NAV1: variants seen among roughly 807,000 people sequenced by gnomAD.
NAV1 encodes the protein neuron navigator 1, also known as pore membrane and/or filament interacting like protein 3.
NAV1 carries 18 observed loss-of-function variants against 175.2 expected under a neutral mutation model. That is an observed-to-expected ratio of 0.10 (90% CI 0.07 to 0.15). NAV1 has a LOEUF of 0.15. Among genes scored for constraint, NAV1 ranks in the 10% least tolerant of loss-of-function variants. NAV1 has a pLI of 1.00. For missense variants in NAV1, 1,731 were observed against 2,436.6 expected, an observed-to-expected ratio of 0.71 and a Z score of 6.10; for synonymous variants, 897 against 978.7, an observed-to-expected ratio of 0.92 and a Z score of 1.56.
intron 1 of NAV1, among the ~76,000 whole-genome samples, chr1:201,696,858 G>A (rs189827074): frequency 1.3e-5 from 2 of 152,250 alleles, no homozygotes; most frequent in East Asian, 1.9e-4. Flanking sequence ...TACCTCAGCC[G>A]CTGCATTGCA....
intron 1 of NAV1, among the ~76,000 whole-genome samples, chr1:201,689,582 G>C (rs1670819395): frequency 6.6e-6 from 1 of 152,134 alleles, no homozygotes; most frequent in Non-Finnish European, 1.5e-5. Context: ...CCTGTTCTGG[G>C]GGTTGTTTTT....
At chr1:201,752,676 G>T (rs184811529) in intron 3 of NAV1, among the ~76,000 whole-genome samples, 16 of 152,084 alleles carry the variant, frequency 1.1e-4, no homozygotes, top group Admixed American at 3.9e-4. Context: ...CAAGCTTTGG[G>T]TGTTTAATTG....
chr1:201,799,375 T>C (rs1677694521), intron 15 of NAV1, among the ~76,000 whole-genome samples: 1 of 152,248 alleles, frequency 6.6e-6, no homozygotes, highest in South Asian at 2.1e-4. Context: ...CAGGCTTAAC[T>C]TGGCAAGGAG....
intron 3 of NAV1, among the ~76,000 whole-genome samples, chr1:201,767,189 C>A (rs955304668): frequency 6.6e-6 from 1 of 151,714 alleles, no homozygotes; most frequent in African/African-American, 2.4e-5. Context: ...CATGGTGGCT[C>A]ACGCCTGTAA....
At chr1:201,576,892 G>A (rs1451711981) in intron 1 of NAV1, among the ~76,000 whole-genome samples, 2 of 152,146 alleles carry the variant, frequency 1.3e-5, no homozygotes, top group African/African-American at 4.8e-5. Flanking sequence ...TAATGATTTT[G>A]AATTTCTTTT....
chr1:201,714,780 G>A (rs1029782431), intron 2 of NAV1, among the ~76,000 whole-genome samples: 1 of 152,182 alleles, frequency 6.6e-6, no homozygotes, highest in Non-Finnish European at 1.5e-5. Flanking sequence ...TAGTTGCTGA[G>A]AGGGCCACAC....
At chr1:201,579,931 T>C (rs60958765) in intron 1 of NAV1, among the ~76,000 whole-genome samples, 12,257 of 152,138 alleles carry the variant, frequency 0.081, 654 homozygotes, top group East Asian at 0.23. Flanking sequence ...CATGGCTCAG[T>C]CCAAGTCTAA....
At chr1:201,798,672 G>T (rs1677619455) in intron 15 of NAV1, 1 of 127,776 alleles carries the variant, frequency 7.8e-6, no homozygotes, top group East Asian at 2.5e-4. Flanking sequence ...TACATGAAAA[G>T]AATTACTGTT....
rs1262461086 is a variant in NAV1 at position 201,756,826 on chromosome 1, TTCTTTCTTTCTTTCTTTCTTTCTTTC to T, written c.1227-23593_1227-23568del. Among the ~76,000 whole-genome samples the T allele has an allele frequency of 1.6e-3, 130 of 79,060 alleles. 5 individuals carry two copies. The South Asian group carries it at 0.028, about 17-fold the overall frequency. 51.9% of individuals were successfully genotyped at this position (79,060 alleles called of 152,430 possible). On this transcript the variant is annotated intron_variant, in intron 3 of 29. Transcript: ENST00000367296. The stretch of plus-strand genomic sequence containing the variant: ...TTTCTTTCCTTCTTTCTTTCTTTCT[TTCTTTCTTTCTTTCTTTCTTTCTTTC>T]TTTCTTTCTTTCTTTCTTTCTTTCT...
At chr1:201,815,120 T>C (rs998233237) in intron 28 of NAV1, among the ~76,000 whole-genome samples, 3 of 151,056 alleles carry the variant, frequency 2.0e-5, no homozygotes, top group Non-Finnish European at 2.9e-5. Context: ...AAAAATGAAA[T>C]TGTAGGGTCA....
chr1:201,654,144 C>A (rs1669309265), intron 1 of NAV1, among the ~76,000 whole-genome samples: 2 of 152,142 alleles, frequency 1.3e-5, no homozygotes, highest in South Asian at 4.1e-4. Flanking sequence ...GGAGAAGGTA[C>A]AGATGGAGGA....
intron 2 of NAV1, among the ~76,000 whole-genome samples, chr1:201,639,318 G>A (rs910499785): frequency 1.3e-5 from 2 of 152,182 alleles, no homozygotes; most frequent in South Asian, 2.1e-4. Context: ...GGAAGCCAGC[G>A]AGGTCATCAG....
chr1:201,569,361 G>A (rs1433163606), intron 1 of NAV1, among the ~76,000 whole-genome samples: 2 of 152,166 alleles, frequency 1.3e-5, no homozygotes, highest in East Asian at 1.9e-4. Flanking sequence ...AGCTAGCTTC[G>A]ATTTATGAAT....
At chr1:201,593,702 G>A (rs1168328180) in intron 2 of NAV1, among the ~76,000 whole-genome samples, 5 of 152,154 alleles carry the variant, frequency 3.3e-5, no homozygotes, top group Non-Finnish European at 1.5e-5. Context: ...GAAGGGAAGG[G>A]GGCAGTTTAG....
In NAV1 at chr1:201,782,187, G is replaced by A; in HGVS notation, c.1675G>A (p.Gly559Ser). Reference sequence around the variant, plus strand: ...CCGTCCTCTTGCAGGCAAACCTGAGGGCAAAGCTACAGACAAGGGTAAGCT... The same window carrying A: ...CCGTCCTCTTGCAGGCAAACCTGAGAGCAAAGCTACAGACAAGGGTAAGCT... The change falls in exon 6 of 30, where the codon GGC becomes AGC. Residue 559 changes from glycine (G) to serine (S), a missense_variant. Gly to Ser is a moderately conservative substitution (Grantham distance 56, BLOSUM62 0). This residue lies in a region of NAV1 where 634 missense variants were observed against 766.8 expected (regional missense o/e 0.83). Transcript: ENST00000367296. The surrounding 1 kb of genome is among the most constrained non-coding windows in gnomAD (Gnocchi z 5.4). The A allele has an allele frequency of 6.3e-7, 1 of 1,588,440 alleles. No homozygotes were observed. The highest frequency in any genetic ancestry group is 8.6e-7 in the Non-Finnish European group (1 of 1,167,192).
At chr1:201,743,884 A>G (rs1673592310) in intron 3 of NAV1, among the ~76,000 whole-genome samples, 1 of 152,172 alleles carries the variant, frequency 6.6e-6, no homozygotes, top group African/African-American at 2.4e-5. Context: ...TTTAAAACTT[A>G]AAAGATGATT....
chr1:201,803,936 G>T (rs1302055404), intron 16 of NAV1: 6 of 579,986 alleles, frequency 1.0e-5, no homozygotes, highest in Non-Finnish European at 1.9e-5. Context: ...ATATGCATCT[G>T]CTTTCTTTGG....
intron 1 of NAV1, among the ~76,000 whole-genome samples, chr1:201,561,795 G>GC (rs904917922): frequency 6.6e-6 from 1 of 152,166 alleles, no homozygotes; most frequent in Admixed American, 6.5e-5. Flanking sequence ...TAGGAACTGT[G>GC]CCTTGCCCAT....
intron 3 of NAV1, among the ~76,000 whole-genome samples, chr1:201,744,729 T>C (rs1390887950): frequency 6.6e-6 from 1 of 152,162 alleles, no homozygotes; most frequent in Non-Finnish European, 1.5e-5. Flanking sequence ...CTAAGAGTTT[T>C]CCAGAGGGAC....
Sources: gnomAD v4.1 joint callset for allele counts (sites outside exome capture counted in the v4.1 genomes callset) on GRCh38, gnomAD v4.1.1 for gene constraint, gnomAD v4.1.1 regional missense constraint, Gnocchi (gnomAD v3.1) non-coding constraint, MANE v1.5 for transcripts, NCBI Gene and HGNC (gene_info 2026-07-23, HGNC 2026-07-21) for gene names.